Variants in COMMD7 observed in about 807,000 individuals in gnomAD.
COMMD7 encodes COMM domain containing 7, also known as COMM domain-containing protein 7.
A neutral mutation model predicts 34.8 loss-of-function variants in COMMD7; 28 were observed. The ratio of observed to expected loss-of-function variants is 0.80; its 90% confidence interval spans 0.60 to 1.10. The LOEUF (loss-of-function observed/expected upper bound fraction) is 1.10, where lower values mean the gene tolerates loss of function less well. COMMD7 is among the 50% of genes least tolerant of loss of function. The pLI is 0.00. For missense variants in COMMD7, 211 were observed against 241.6 expected (o/e 0.87, Z 0.84); for synonymous variants, 80 against 86.4 (o/e 0.93, Z 0.41).
intron 3 of COMMD7, among the ~76,000 whole-genome samples, chr20:32,726,410 A>C (rs1304109961): frequency 1.3e-5 from 2 of 152,042 alleles, no homozygotes; most frequent in Non-Finnish European, 2.9e-5. Context: ...AAACAAACAA[A>C]AGACTTCAAG....
chr20:32,740,846 G>GTA (rs2078060104), intron 1 of COMMD7, among the ~76,000 whole-genome samples: 1 of 149,654 alleles, frequency 6.7e-6, no homozygotes, highest in South Asian at 2.1e-4. Flanking sequence ...CATTCATGAA[G>GTA]TAAAAAGTTA....
chr20:32,706,695 A>G lies in COMMD7; in HGVS notation c.298+9T>C, dbSNP rs765583905. 13 of 1,613,900 alleles carry G rather than the reference A, an allele frequency of 8.1e-6. No individual in the cohort carries two copies. The highest frequency in any genetic ancestry group is 6.6e-5 in the South Asian group (6 of 91,074). On this transcript the variant is annotated intron_variant, in intron 4 of 8. Coordinates refer to ENST00000278980, the MANE Select transcript of COMMD7 (RefSeq NM_053041.3). Reference sequence around the variant, plus strand: ...CAGTCACCCTGAGCAACCCTGGCCAATGACCTACCCAGAGTTATGAAATCC... The same window carrying G: ...CAGTCACCCTGAGCAACCCTGGCCAGTGACCTACCCAGAGTTATGAAATCC...
At chr20:32,725,426 G>GTTT (rs1299213390) in intron 3 of COMMD7, among the ~76,000 whole-genome samples, 14 of 89,572 alleles carry the variant, frequency 1.6e-4, no homozygotes, top group South Asian at 4.0e-4. Flanking sequence ...TCTATACTGT[G>GTTT]TTTTGTTTTT....
At chr20:32,723,192 G>C (rs1300128971) in intron 3 of COMMD7, among the ~76,000 whole-genome samples, 1 of 45,474 alleles carries the variant, frequency 2.2e-5, no homozygotes. Flanking sequence ...CCTCTCATGC[G>C]GAGCCGAAGC....
At chr20:32,735,095 G>A (rs2145781370) in intron 1 of COMMD7, among the ~76,000 whole-genome samples, 1 of 147,368 alleles carries the variant, frequency 6.8e-6, no homozygotes, top group Admixed American at 6.8e-5. Context: ...AAAATTAGCT[G>A]GGCATAATGG....
At chr20:32,712,548 C>T (rs960381779) in intron 3 of COMMD7, among the ~76,000 whole-genome samples, 12 of 149,132 alleles carry the variant, frequency 8.0e-5, no homozygotes, top group Non-Finnish European at 1.8e-4. Flanking sequence ...TTGACAGGTG[C>T]AGCAAACCAC....
intron 5 of COMMD7, among the ~76,000 whole-genome samples, 159 bp from the exon 6 acceptor site, chr20:32,705,063 A>G (rs565349373): frequency 2.6e-5 from 4 of 152,194 alleles, no homozygotes; most frequent in Admixed American, 2.6e-4. Flanking sequence ...CTATATGCAC[A>G]TACCTAGGGA....
chr20:32,728,545 AC>A (rs1321978490), intron 1 of COMMD7, among the ~76,000 whole-genome samples: 1 of 151,848 alleles, frequency 6.6e-6, no homozygotes, highest in East Asian at 1.9e-4. Context: ...CTTCTGTTTT[AC>A]CTATCCATAT....
chr20:32,705,372 A>T (rs1030246282), intron 5 of COMMD7, among the ~76,000 whole-genome samples: 22 of 83,940 alleles, frequency 2.6e-4, no homozygotes, highest in Admixed American at 9.8e-4. Context: ...ATATATATAT[A>T]TATATTTTTT....
rs181554867 is a variant in COMMD7, at chr20:32,741,105, T to C, written c.84+2203A>G. 4.9e-3 allele frequency among the ~76,000 whole-genome samples: 740 copies of C among 150,666 alleles called. 10 individuals are homozygous for C. Among genetic ancestry groups the C allele is most frequent in the African/African-American group, 0.017 (709 of 41,150 alleles). The stretch of plus-strand genomic sequence containing the variant: ...TTGCAGTGAGCCAAGATCACGCCAC[T>C]GCACTCCAGCCTGGGTGACAGAGGA... On this transcript the variant is annotated intron_variant, in intron 1 of 8. Coordinates refer to ENST00000278980, the MANE Select transcript of COMMD7 (RefSeq NM_053041.3).
At chr20:32,722,103 G>A (rs6058829) in intron 3 of COMMD7, among the ~76,000 whole-genome samples, 103,632 of 150,890 alleles carry the variant, frequency 0.69, 36,330 homozygotes, top group Middle Eastern at 0.82. Flanking sequence ...AAATTAGCCA[G>A]GTGTGGTGGT....
intron 3 of COMMD7, among the ~76,000 whole-genome samples, chr20:32,718,402 TA>T (rs199501627): frequency 1.7e-4 from 25 of 143,628 alleles, no homozygotes; most frequent in South Asian, 6.6e-4. Flanking sequence ...AAACTCCATC[TA>T]AAAAAAAAAG....
chr20:32,741,974 G>T (rs1386932041), intron 1 of COMMD7, among the ~76,000 whole-genome samples: 1 of 152,082 alleles, frequency 6.6e-6, no homozygotes, highest in Non-Finnish European at 1.5e-5. Flanking sequence ...GATCACCTGA[G>T]GTCAGGTGTT....
chr20:32,721,087 G>A (rs1215841696), intron 3 of COMMD7, among the ~76,000 whole-genome samples: 1 of 152,222 alleles, frequency 6.6e-6, no homozygotes, highest in Non-Finnish European at 1.5e-5. Context: ...CTCAGATGCT[G>A]GAAGGGGAGG....
intron 1 of COMMD7, among the ~76,000 whole-genome samples, chr20:32,731,578 G>A (rs1345352847): frequency 6.6e-6 from 1 of 152,084 alleles, no homozygotes; most frequent in African/African-American, 2.4e-5. Flanking sequence ...CTCCCAACAA[G>A]AAAGGGACCT....
In COMMD7 at chr20:32,707,045, A is replaced by G. The variant is rs373977381; in HGVS notation, c.242-285T>C. On this transcript the variant is annotated intron_variant, in intron 3 of 8. Coordinates refer to ENST00000278980, the MANE Select transcript of COMMD7 (RefSeq NM_053041.3). ...TCCCAGCACTTTGGGAGGCCGAGGC[A>G]GGTGGATCACGACATCAGGAGATCG... Among the ~76,000 whole-genome samples the G allele has an allele frequency of 3.2e-3, 481 of 150,968 alleles. 1 individual carries two copies. The highest frequency in any genetic ancestry group is 0.01 in the Middle Eastern group (3 of 294).
At chr20:32,722,945 G>A (rs1985260496) in intron 3 of COMMD7, among the ~76,000 whole-genome samples, 1 of 151,256 alleles carries the variant, frequency 6.6e-6, no homozygotes, top group Non-Finnish European at 1.5e-5. Context: ...CGTGAACCTG[G>A]TAGGCAGAGC....
At chr20:32,703,616 C>A in intron 8 of COMMD7, 158 bp from the exon 9 acceptor site, 3 of 1,439,700 alleles carry the variant, frequency 2.1e-6, no homozygotes, top group Non-Finnish European at 2.7e-6. Context: ...AACTGAGAGA[C>A]TTGAATGCAG....
At chr20:32,703,978 G>C in intron 8 of COMMD7, 45 bp downstream of exon 8, 1 of 1,613,430 alleles carries the variant, frequency 6.2e-7, no homozygotes, top group Non-Finnish European at 8.5e-7. Flanking sequence ...TGATTGCAGA[G>C]AACACAAAAA....
Sources: allele counts gnomAD v4.1 joint callset (sites outside exome capture counted in the v4.1 genomes callset), GRCh38; gene constraint gnomAD v4.1.1; transcripts MANE v1.5; gene names NCBI Gene and HGNC (gene_info 2026-07-23, HGNC 2026-07-21).